Variants in RRBP1 observed in about 807,000 individuals in gnomAD.
RRBP1 encodes ribosome-binding protein 1.
In RRBP1, 94 loss-of-function variants were observed where a neutral mutation model predicts 165.2. The observed-to-expected ratio is 0.57, with a 90% CI of 0.48 to 0.68. RRBP1 has a LOEUF of 0.68. Among genes scored for constraint, RRBP1 ranks in the 30% least tolerant of loss-of-function variants. The probability of loss-of-function intolerance (pLI) is 0.00; values close to 1 mark genes in which losing one functional copy is unlikely to be tolerated. For synonymous variants in RRBP1, 680 were observed against 714.5 expected (o/e 0.95, Z 0.77); for missense variants, 1,676 against 1,763.0 (o/e 0.95, Z 0.88).
intron 2 of RRBP1, among the ~76,000 whole-genome samples, chr20:17,676,387 T>G (rs975332599): frequency 6.6e-6 from 1 of 151,986 alleles, no homozygotes; most frequent in African/African-American, 2.4e-5. Flanking sequence ...AAGGTGGAGC[T>G]AGCTGGCCTA....
At chr20:17,630,910 G>C (rs1390449333) in intron 8 of RRBP1, among the ~76,000 whole-genome samples, 1 of 152,180 alleles carries the variant, frequency 6.6e-6, no homozygotes, top group Non-Finnish European at 1.5e-5. Flanking sequence ...TTTTCTTTTA[G>C]GGCAATGGCT....
intron 5 of RRBP1, among the ~76,000 whole-genome samples, chr20:17,638,832 C>G (rs192893871): frequency 6.6e-6 from 1 of 152,210 alleles, no homozygotes; most frequent in African/African-American, 2.4e-5. Flanking sequence ...AGTAGTGGGG[C>G]CCCTCATGGT....
At position 17,620,714 on chromosome 20, in the gene RRBP1, C is replaced by A; in HGVS notation, c.3507+1G>T. On this transcript the variant is annotated splice_donor_variant, in intron 17 of 24. Transcript: ENST00000377813. LOFTEE classifies it high-confidence loss of function. ...CGGGAGGCAGGCAGGGCTGCATATA[C>A]CTTCTGGAGCTCCTCCTCTGCGGCG... 1 of 1,604,088 alleles carries A rather than the reference C, an allele frequency of 6.2e-7. No individual in the cohort carries two copies. The highest frequency in any genetic ancestry group is 8.5e-7 in the Non-Finnish European group (1 of 1,178,684).
rs560903678 is a variant in RRBP1 at position 17,626,893 on chromosome 20, G to A, written c.2963+455C>T. On this transcript the variant is annotated intron_variant, in intron 11 of 24. Coordinates refer to ENST00000377813, the MANE Select transcript of RRBP1 (RefSeq NM_001365613.2). ...AGATGGAGGAAAACAACGCTGAGAC[G>A]CTGCCAGCTCTGCCCCGACGCCTCA... 2.4e-4 allele frequency among the ~76,000 whole-genome samples: 36 copies of A among 152,348 alleles called. No individual in the cohort carries two copies. The South Asian group carries it at 6.8e-3, about 29-fold the overall frequency.
At position 17,618,651 on chromosome 20, in the gene RRBP1, G is replaced by A. The variant is rs2035847576; in HGVS notation, c.3704C>T (p.Ser1235Phe). ...TTCGCTCTTGGCGGCATCGAGCTGA[G>A]ATTGAGATTCTAGGAGAAGTTGCCT... ...GLRQLLLESQ[S>F]QLDAAKSEAQ... The change falls in exon 20 of 25, where the codon TCT becomes TTT. Residue 1235 changes from serine to phenylalanine, a missense_variant. Ser to Phe is a radical substitution (Grantham distance 155). This residue lies in a region of RRBP1 where 1,184 missense variants were observed against 1,167.1 expected (regional missense o/e 1.01). Transcript: ENST00000377813. The A allele has an allele frequency of 6.2e-7, 1 of 1,613,920 alleles. No homozygotes were observed. Among genetic ancestry groups the A allele is most frequent in the African/African-American group, 1.3e-5 (1 of 74,940 alleles).
intron 22 of RRBP1, 142 bp downstream of exon 22, chr20:17,615,784 C>T: frequency 4.0e-6 from 3 of 748,080 alleles, no homozygotes; most frequent in Non-Finnish European, 6.4e-6. Flanking sequence ...GCCCGGGCCC[C>T]ACCCACTGCT....
chr20:17,622,094 G>C, intron 13 of RRBP1, 147 bp from the exon 14 acceptor site: 2 of 657,550 alleles, frequency 3.0e-6, no homozygotes, highest in Non-Finnish European at 5.4e-6. Context: ...CAAAGGAGAA[G>C]ATGAGGCTCC....
intron 3 of RRBP1, among the ~76,000 whole-genome samples, chr20:17,654,094 C>T (rs1324519374): frequency 2.6e-5 from 4 of 152,236 alleles, no homozygotes; most frequent in Admixed American, 6.5e-5. Flanking sequence ...GGACAGGGCT[C>T]TCCACCCCAA....
chr20:17,625,550 G>A lies in RRBP1; in HGVS notation c.3016C>T (p.Leu1006Phe), dbSNP rs2036001154. The A allele has an allele frequency of 6.2e-7, 1 of 1,613,804 alleles. No homozygotes were observed. The highest frequency in any genetic ancestry group is 1.3e-5 in the African/African-American group (1 of 74,890). Residue 1006 changes from leucine (L) to phenylalanine (F), a missense_variant, in exon 12 of 25, where the codon CTC becomes TTC. Leu to Phe is a conservative substitution (Grantham distance 22). This residue lies in a region of RRBP1 where 1,184 missense variants were observed against 1,167.1 expected (regional missense o/e 1.01). Transcript: ENST00000377813. ...TTCTGCTGCTCGACGGCCTCCCTGAGCTCGATGGCCTCCTTCTCCAGACCC... is the reference window on the plus strand; with the variant it reads ...TTCTGCTGCTCGACGGCCTCCCTGAACTCGATGGCCTCCTTCTCCAGACCC... Reference protein sequence around the residue: ...VSGLEKEAIELREAVEQQKVK... With the variant: ...VSGLEKEAIEFREAVEQQKVK...
At chr20:17,679,127 C>T (rs2037133313) in intron 2 of RRBP1, among the ~76,000 whole-genome samples, 1 of 152,212 alleles carries the variant, frequency 6.6e-6, no homozygotes, top group Non-Finnish European at 1.5e-5. Context: ...TGGACCTCCA[C>T]ATTCTCATCC....
intron 3 of RRBP1, among the ~76,000 whole-genome samples, chr20:17,647,422 A>T (rs2036483671): frequency 6.6e-6 from 1 of 152,240 alleles, no homozygotes; most frequent in Non-Finnish European, 1.5e-5. Flanking sequence ...ACTAGGTCCA[A>T]GTCTTCATAG....
rs374845057 is a variant in RRBP1 at position 17,624,388 on chromosome 20, G to A, written c.3147+188C>T. ...CTAGTGCCTCTGTGTGTCCTAGTGC[G>A]TCTGTGCGTACTAGTGCATCTGTGT... On this transcript the variant is annotated intron_variant, in intron 13 of 24. Transcript: ENST00000377813. Among the ~76,000 whole-genome samples the A allele has an allele frequency of 3.1e-4, 47 of 152,280 alleles. No homozygotes were observed. In the East Asian group the frequency reaches 6.2e-3, roughly 20 times the overall value.
intron 3 of RRBP1, among the ~76,000 whole-genome samples, chr20:17,644,378 A>G (rs1166129332): frequency 6.6e-6 from 1 of 152,248 alleles, no homozygotes; most frequent in Non-Finnish European, 1.5e-5. Flanking sequence ...TACATAAAGT[A>G]ATTTTAATGC....
intron 6 of RRBP1, 93 bp downstream of exon 6, chr20:17,636,484 A>C (rs1462987060): frequency 5.5e-6 from 8 of 1,466,484 alleles, no homozygotes; most frequent in African/African-American, 1.4e-5. Context: ...CCCCCTCCTC[A>C]TGCCTCACCC....
chr20:17,651,703 T>C (rs1275560144), intron 3 of RRBP1, among the ~76,000 whole-genome samples: 1 of 151,690 alleles, frequency 6.6e-6, no homozygotes, highest in Non-Finnish European at 1.5e-5. Context: ...AAAAAGACTT[T>C]CTATTTTCAC....
intron 2 of RRBP1, among the ~76,000 whole-genome samples, chr20:17,676,789 C>T (rs754164809): frequency 2.6e-5 from 4 of 152,118 alleles, no homozygotes; most frequent in Admixed American, 1.3e-4. Context: ...CTCACTCTGT[C>T]GCCTAGGCTG....
At chr20:17,624,853 T>C (rs2035986287) in intron 12 of RRBP1, among the ~76,000 whole-genome samples, 185 bp from the exon 13 acceptor site, 1 of 152,168 alleles carries the variant, frequency 6.6e-6, no homozygotes, top group South Asian at 2.1e-4. Context: ...AAGGCCTGGG[T>C]GCCGTAGCCA....
chr20:17,634,336 G>A (rs1009722399), intron 7 of RRBP1, among the ~76,000 whole-genome samples: 4 of 151,988 alleles, frequency 2.6e-5, no homozygotes, highest in African/African-American at 9.7e-5. Context: ...CTGGGAAACC[G>A]GGCTGAGGCT....
At chr20:17,679,946 A>G (rs1241053335) in intron 2 of RRBP1, 53 bp downstream of exon 2, 1 of 152,168 alleles carries the variant, frequency 6.6e-6, no homozygotes, top group Admixed American at 6.5e-5. Context: ...CTGGCCCAAG[A>G]TCCCTGCAAG....
Sources: allele counts gnomAD v4.1 joint callset (sites outside exome capture counted in the v4.1 genomes callset), GRCh38; gene constraint gnomAD v4.1.1; regional missense constraint gnomAD v4.1.1; transcripts MANE v1.5; gene names NCBI Gene and HGNC (gene_info 2026-07-23, HGNC 2026-07-21).